The following ERAP2 variants were observed in gnomAD, a reference collection of about 807,000 sequenced individuals.
ERAP2 encodes leukocyte-derived arginine aminopeptidase.
ERAP2 carries 118 observed loss-of-function variants against 111.1 expected under a neutral mutation model. That is an observed-to-expected ratio of 1.06 (90% confidence interval 0.92 to 1.24). The LOEUF (loss-of-function observed/expected upper bound fraction) is 1.24, where lower values mean the gene tolerates loss of function less well. Ranked by LOEUF, ERAP2 falls within the 50% of genes most tolerant of loss-of-function variation. The pLI, the probability that ERAP2 is intolerant of heterozygous loss-of-function variation, is 0.00. For missense variants in ERAP2, 1,131 were observed against 1,125.8 expected (o/e 1.00, Z -0.07); for synonymous variants, 410 against 401.2 (o/e 1.02, Z -0.26).
intron 13 of ERAP2, among the ~76,000 whole-genome samples, chr5:96,905,944 ATT>A (rs34095051): frequency 2.1e-5 from 3 of 139,618 alleles, no homozygotes; most frequent in African/African-American, 2.7e-5. Flanking sequence ...TTTCTTTTTA[ATT>A]TTTTTTTTTT....
At chr5:96,913,283 A>C in intron 16 of ERAP2, 34 bp from the exon 17 acceptor site, 1 of 1,578,468 alleles carries the variant, frequency 6.3e-7, no homozygotes, top group South Asian at 1.1e-5. Context: ...CATAATACCT[A>C]CTATTTAGAA....
rs1383656829 is a variant in ERAP2, at chr5:96,902,334, C to T, written c.1809C>T (p.His603=). The T allele has an allele frequency of 1.9e-6, 3 of 1,610,786 alleles. No individual in the cohort carries two copies. The highest frequency in any genetic ancestry group is 1.7e-4 in the Middle Eastern group (1 of 6,044). ...STSSSNVIHR[H]ILKSKTDTLD... ...GTTCTTCTAATGTGATCCACAGACACATTCTAAAATCAAAGACAGGTAATG... is the reference window on the plus strand; with the variant it reads ...GTTCTTCTAATGTGATCCACAGACATATTCTAAAATCAAAGACAGGTAATG... The change falls in exon 12 of 19, where the codon CAC becomes CAT. Residue 603 remains histidine (H), a synonymous_variant. Transcript: ENST00000437043.
In ERAP2 at chr5:96,896,497, A is replaced by G. The variant is rs1161226258; in HGVS notation, c.1364A>G (p.Tyr455Cys). ...QIQEMFDEVS[Y>C]NKGACILNML... The stretch of plus-strand genomic sequence containing the variant: ...CAGGAAATGTTTGATGAAGTTTCCT[A>G]TAACAAGGTAGTAAATATCAGGTGC... Residue 455 changes from tyrosine to cysteine, a missense_variant, in exon 8 of 19, where the codon TAT becomes TGT. Tyr to Cys is a radical substitution (Grantham distance 194). This residue lies in a region of ERAP2 where 847 missense variants were observed against 856.5 expected (regional missense o/e 0.99). Coordinates refer to ENST00000437043, the MANE Select transcript of ERAP2 (RefSeq NM_022350.5). 2 of 1,613,156 alleles carry G rather than the reference A, an allele frequency of 1.2e-6. No homozygotes were observed. Among genetic ancestry groups the G allele is most frequent in the Non-Finnish European group, 1.7e-6 (2 of 1,179,586 alleles).
intron 6 of ERAP2, among the ~76,000 whole-genome samples, chr5:96,894,637 C>T (rs938139563): frequency 1.3e-5 from 2 of 152,036 alleles, no homozygotes; most frequent in African/African-American, 2.4e-5. Context: ...ATTTATGCAT[C>T]CTTTTTATTT....
chr5:96,912,973 G>A (rs1025349651), intron 16 of ERAP2, among the ~76,000 whole-genome samples, 175 bp downstream of exon 16: 2 of 152,136 alleles, frequency 1.3e-5, no homozygotes, highest in Non-Finnish European at 2.9e-5. Context: ...GTGAAAACAG[G>A]TATTCCCTAG....
rs1269519544 is a variant in ERAP2, at chr5:96,909,112, C to T, written c.2164C>T (p.Leu722Phe). 1.2e-6 allele frequency: 2 copies of T among 1,613,770 alleles called. No homozygotes were observed. The highest frequency in any genetic ancestry group is 1.7e-6 in the Non-Finnish European group (2 of 1,179,836). ...RRNISDISEN[L>F]KRYLLQYFKP... is the part of the protein sequence containing the mutation. ...GAATATTTCAGATATCTCTGAAAAC[C>T]TCAAGGTTTGTGTTGCTTTTAGAAA... The change falls in exon 14 of 19, where the codon CTC (leucine) becomes TTC (phenylalanine). Residue 722 changes from leucine (L) to phenylalanine (F), a missense_variant. By Grantham distance (22) the Leu-to-Phe change is conservative. Transcript: ENST00000437043.
chr5:96,916,779 T>C (rs981447230), intron 18 of ERAP2, among the ~76,000 whole-genome samples: 1 of 150,254 alleles, frequency 6.7e-6, no homozygotes, highest in Admixed American at 6.7e-5. Context: ...TTTTTTTTTT[T>C]AAAGCATTAT....
At chr5:96,911,450 T>C (rs144903828) in intron 15 of ERAP2, among the ~76,000 whole-genome samples, 1 of 152,322 alleles carries the variant, frequency 6.6e-6, no homozygotes, top group Admixed American at 6.5e-5. Flanking sequence ...TAGTGGTGTC[T>C]TTTGTAGAAG....
chr5:96,897,987 A>G (rs1785035702), intron 9 of ERAP2, among the ~76,000 whole-genome samples: 1 of 152,192 alleles, frequency 6.6e-6, no homozygotes, highest in Non-Finnish European at 1.5e-5. Flanking sequence ...ACTTCAGGTC[A>G]GGAGTTTGAG....
intron 13 of ERAP2, 91 bp downstream of exon 13, chr5:96,903,651 T>C (rs1200721863): frequency 4.2e-6 from 5 of 1,197,584 alleles, no homozygotes; most frequent in Non-Finnish European, 5.8e-6. Context: ...ACATTGGTCA[T>C]TGATTTAATA....
At chr5:96,885,014 T>A (rs941906841) in intron 3 of ERAP2, among the ~76,000 whole-genome samples, 1 of 152,198 alleles carries the variant, frequency 6.6e-6, no homozygotes, top group African/African-American at 2.4e-5. Context: ...CATACACGTC[T>A]ATTTAAGGCA....
chr5:96,905,358 G>C (rs530020049), intron 13 of ERAP2, among the ~76,000 whole-genome samples: 23 of 152,250 alleles, frequency 1.5e-4, no homozygotes, highest in Admixed American at 1.4e-3. Context: ...AGTGTGTAGG[G>C]TATTGAAATT....
intron 3 of ERAP2, 121 bp downstream of exon 3, chr5:96,884,051 T>TATC: frequency 1.8e-6 from 1 of 566,224 alleles, no homozygotes; most frequent in Non-Finnish European, 3.0e-6. Context: ...TCTATCTATC[T>TATC]ATCTATCTAT....
rs745868336 is a variant in ERAP2, at chr5:96,915,727, T to C, written c.2697T>C (p.Ser899=). Residue 899 remains serine (S), a synonymous_variant, in exon 18 of 19, where the codon TCT becomes TCC. Coordinates refer to ENST00000437043, the MANE Select transcript of ERAP2 (RefSeq NM_022350.5). ...LGSYDIRMII[S]GTTAHFSSKD... is the part of the protein sequence containing the mutation. ...CATATGACATAAGGATGATCATCTC[T>C]GGCACAACAGCTCACTTTTCTTCCA... 3 of 1,600,156 alleles carry C rather than the reference T, an allele frequency of 1.9e-6. No individual in the cohort carries two copies. The highest frequency in any genetic ancestry group is 2.6e-6 in the Non-Finnish European group (3 of 1,173,738).
chr5:96,913,328 T>A lies in ERAP2; in HGVS notation c.2528T>A (p.Leu843Gln). Reference sequence around the variant, plus strand: ...TTTTCTTTCTTCAGGTTAATTGAACTAGGAATGGAAGGAAAGGTTATCAAG... The same window carrying A: ...TTTTCTTTCTTCAGGTTAATTGAACAAGGAATGGAAGGAAAGGTTATCAAG... Reference protein sequence around the residue: ...HQEKLLKLIELGMEGKVIKTQ... With the variant: ...HQEKLLKLIEQGMEGKVIKTQ... Residue 843 changes from leucine (L) to glutamine (Q), a missense_variant, in exon 17 of 19, where the codon CTA becomes CAA. Leu to Gln is a moderately radical substitution (Grantham distance 113, BLOSUM62 -2). Coordinates refer to ENST00000437043, the MANE Select transcript of ERAP2 (RefSeq NM_022350.5). 6.2e-7 allele frequency: 1 copy of A among 1,613,918 alleles called. No individual in the cohort carries two copies. The highest frequency in any genetic ancestry group is 1.1e-5 in the South Asian group (1 of 91,062).
In ERAP2 at chr5:96,895,232, T is replaced by G; in HGVS notation, c.1126-14T>G. 6.6e-7 allele frequency: 1 copy of G among 1,505,052 alleles called. No individual in the cohort carries two copies. The highest frequency in any genetic ancestry group is 9.1e-7 in the Non-Finnish European group (1 of 1,093,020). The allele number at this position is 1,505,052 out of a possible 1,614,324, so 93.2% of individuals were successfully genotyped here. On this transcript the variant is annotated splice_polypyrimidine_tract_variant and intron_variant, in intron 6 of 18. Coordinates refer to ENST00000437043, the MANE Select transcript of ERAP2 (RefSeq NM_022350.5). ...TTGTTTAACTTCTAATAATATTGAG[T>G]TTTTACCTCCTAGTGGTTTGGCAAC...
intron 7 of ERAP2, 74 bp from the exon 8 acceptor site, chr5:96,896,299 A>C (rs901056725): frequency 9.0e-6 from 11 of 1,223,006 alleles, no homozygotes; most frequent in African/African-American, 3.1e-5. Context: ...ACATCTTACT[A>C]AACCTACTAT....
At chr5:96,908,209 G>T (rs1412353560) in intron 13 of ERAP2, among the ~76,000 whole-genome samples, 2 of 152,140 alleles carry the variant, frequency 1.3e-5, no homozygotes, top group Non-Finnish European at 2.9e-5. Context: ...TCTGGGAGTT[G>T]GGTGTTCACA....
chr5:96,916,103 C>T (rs1233599889), intron 18 of ERAP2, among the ~76,000 whole-genome samples: 1 of 152,032 alleles, frequency 6.6e-6, no homozygotes, highest in Non-Finnish European at 1.5e-5. Flanking sequence ...CACCTGTAGT[C>T]CCAGCTACTT....
Sources: gnomAD v4.1 joint callset for allele counts (sites outside exome capture counted in the v4.1 genomes callset) on GRCh38, gnomAD v4.1.1 for gene constraint, gnomAD v4.1.1 regional missense constraint, MANE v1.5 for transcripts, NCBI Gene and HGNC (gene_info 2026-07-23, HGNC 2026-07-21) for gene names.